The following IGF2BP2 variants were observed in gnomAD, a reference collection of about 807,000 sequenced individuals.
IGF2BP2 encodes the protein insulin-like growth factor 2 mRNA-binding protein 2.
A neutral mutation model predicts 75.8 loss-of-function variants in IGF2BP2; 17 were observed. That is an observed-to-expected ratio of 0.22 (90% CI 0.15 to 0.34). The LOEUF (loss-of-function observed/expected upper bound fraction) is 0.34. Ranked by LOEUF, IGF2BP2 falls within the 10% of genes least tolerant of loss-of-function variation. The probability of loss-of-function intolerance (pLI) is 1.00; values close to 1 mark genes in which losing one functional copy is unlikely to be tolerated. For missense variants in IGF2BP2, 516 were observed against 772.4 expected, an observed-to-expected ratio of 0.67 and a Z score of 3.93; for synonymous variants, 288 against 295.6, an observed-to-expected ratio of 0.97 and a Z score of 0.26.
intron 14 of IGF2BP2, among the ~76,000 whole-genome samples, chr3:185,648,275 A>T (rs1210753787): frequency 6.6e-6 from 1 of 152,028 alleles, no homozygotes. Flanking sequence ...TGACCTGACC[A>T]AAATGGTGAA....
chr3:185,696,499 A>G (rs1722600250), intron 4 of IGF2BP2, 113 bp downstream of exon 4: 3 of 837,894 alleles, frequency 3.6e-6, no homozygotes, highest in East Asian at 2.4e-5. Flanking sequence ...TACTCTAGGA[A>G]GCTTATTTCA....
At chr3:185,657,160 T>C in intron 12 of IGF2BP2, 126 bp downstream of exon 12, 5 of 623,538 alleles carry the variant, frequency 8.0e-6, no homozygotes, top group Non-Finnish European at 8.6e-6. Context: ...ATGGGGCAAA[T>C]GTTCTAGATC....
chr3:185,658,402 G>A lies in IGF2BP2; in HGVS notation c.1208C>T (p.Ser403Phe), dbSNP rs758852286. The change falls in exon 11 of 16, where the codon TCC (serine) becomes TTC (phenylalanine). Residue 403 changes from serine (S) to phenylalanine (F), a missense_variant. This residue lies in a region of IGF2BP2 where 75 missense variants were observed against 67.4 expected (regional missense o/e 1.11). Transcript: ENST00000382199. The stretch of plus-strand genomic sequence containing the variant: ...GGGGTACAGGCTGGAGAAGTATCCG[G>A]AGTGGGTCTGCAGCATGAGAGAAAG... ...AAPYHPFTTH[S>F]GYFSSLYPHH... 4.1e-5 allele frequency: 66 copies of A among 1,613,772 alleles called. No individual in the cohort carries two copies. Among genetic ancestry groups the A allele is most frequent in the Non-Finnish European group, 5.3e-5 (62 of 1,179,868 alleles).
intron 2 of IGF2BP2, among the ~76,000 whole-genome samples, chr3:185,734,964 C>T (rs1397555996): frequency 2.6e-5 from 4 of 152,182 alleles, no homozygotes; most frequent in Non-Finnish European, 2.9e-5. Flanking sequence ...ACTGTAATAG[C>T]GAAGACAGCG....
At chr3:185,803,436 T>C (rs1738552196) in intron 2 of IGF2BP2, among the ~76,000 whole-genome samples, 1 of 152,222 alleles carries the variant, frequency 6.6e-6, no homozygotes, top group Non-Finnish European at 1.5e-5. Context: ...CAAATAAAAG[T>C]ACTGAAAAAA....
chr3:185,796,925 T>C (rs1737495021), intron 2 of IGF2BP2, among the ~76,000 whole-genome samples: 1 of 152,194 alleles, frequency 6.6e-6, no homozygotes, highest in Non-Finnish European at 1.5e-5. Flanking sequence ...TTCCTGACAA[T>C]GCATTCTGAG....
chr3:185,751,144 C>G (rs547094055), intron 2 of IGF2BP2, among the ~76,000 whole-genome samples: 4 of 152,340 alleles, frequency 2.6e-5, no homozygotes, highest in Non-Finnish European at 5.9e-5. Flanking sequence ...ACCCAGGAGG[C>G]AGAGGTTGCA....
intron 2 of IGF2BP2, among the ~76,000 whole-genome samples, chr3:185,721,774 T>G (rs1483457546): frequency 6.6e-6 from 1 of 152,130 alleles, no homozygotes; most frequent in Non-Finnish European, 1.5e-5. Context: ...GCCCACCTAG[T>G]GAGTTCCTTT....
At chr3:185,649,327 G>A in intron 14 of IGF2BP2, 76 bp downstream of exon 14, 3 of 1,567,172 alleles carry the variant, frequency 1.9e-6, no homozygotes, top group Admixed American at 1.8e-5. Flanking sequence ...GCGCCAAGGG[G>A]AGACTGAGGG....
At position 185,695,492 on chromosome 3, in the gene IGF2BP2, C is replaced by T. The variant is rs951339013; in HGVS notation, c.340+1120G>A. ...AGGTTATTTGACTTTTTCAAGGGTT[C>T]GCAGTCAGTAAATGACTGAATTTAC... On this transcript the variant is annotated intron_variant, in intron 4 of 15. Coordinates refer to ENST00000382199, the MANE Select transcript of IGF2BP2 (RefSeq NM_006548.6). Among the ~76,000 whole-genome samples, 4 of 152,186 alleles carry T rather than the reference C, an allele frequency of 2.6e-5. No homozygotes were observed. In the East Asian group the frequency reaches 5.8e-4, roughly 22 times the overall value.
chr3:185,659,145 G>A (rs1490138780), intron 10 of IGF2BP2, among the ~76,000 whole-genome samples: 3 of 152,124 alleles, frequency 2.0e-5, no homozygotes, highest in African/African-American at 7.2e-5. Context: ...CTTGAGCCTA[G>A]GAATTTGAGG....
At chr3:185,663,092 C>G (rs999902772) in intron 10 of IGF2BP2, among the ~76,000 whole-genome samples, 2 of 152,156 alleles carry the variant, frequency 1.3e-5, no homozygotes, top group Admixed American at 1.3e-4. Context: ...ACTCAAATAA[C>G]TATTTTAATG....
rs374640035 is a variant in IGF2BP2, at chr3:185,762,697, G to A, written c.239+60456C>T. On this transcript the variant is annotated intron_variant, in intron 2 of 15. Coordinates refer to ENST00000382199, the MANE Select transcript of IGF2BP2 (RefSeq NM_006548.6). Reference sequence around the variant, plus strand: ...TGCAATAATAGAGCTTATACTGGCTGCAGTCTACTTCAGTTACTGCTCTAG... The same window carrying A: ...TGCAATAATAGAGCTTATACTGGCTACAGTCTACTTCAGTTACTGCTCTAG... Among the ~76,000 whole-genome samples the A allele has an allele frequency of 1.6e-3, 246 of 152,252 alleles. 2 individuals are homozygous for A. Among genetic ancestry groups the A allele is most frequent in the African/African-American group, 5.8e-3 (239 of 41,536 alleles).
At chr3:185,646,746 C>A in intron 15 of IGF2BP2, 1 of 439,200 alleles carries the variant, frequency 2.3e-6, no homozygotes, top group Non-Finnish European at 4.2e-6. Flanking sequence ...TTAAACACTG[C>A]AGGGGGCTTG....
At chr3:185,756,519 C>T (rs1731636703) in intron 2 of IGF2BP2, among the ~76,000 whole-genome samples, 1 of 151,918 alleles carries the variant, frequency 6.6e-6, no homozygotes, top group African/African-American at 2.4e-5. Flanking sequence ...ATATTTCTCC[C>T]ATCTGCCTCT....
chr3:185,811,735 G>A (rs552100111), intron 2 of IGF2BP2, among the ~76,000 whole-genome samples: 1 of 152,246 alleles, frequency 6.6e-6, no homozygotes, highest in South Asian at 2.1e-4. Flanking sequence ...TACAAAAGTT[G>A]TGTGCAAAAT....
intron 2 of IGF2BP2, among the ~76,000 whole-genome samples, chr3:185,816,689 A>T (rs1740655687): frequency 6.6e-6 from 1 of 152,202 alleles, no homozygotes. Context: ...CCAAAAAAAG[A>T]GATAGTATCA....
chr3:185,805,924 C>A (rs991861070), intron 2 of IGF2BP2, among the ~76,000 whole-genome samples: 1 of 151,678 alleles, frequency 6.6e-6, no homozygotes, highest in African/African-American at 2.4e-5. Context: ...GTGCCCACCA[C>A]CCCCCACCCC....
intron 2 of IGF2BP2, among the ~76,000 whole-genome samples, chr3:185,767,637 T>C (rs531489339): frequency 1.3e-4 from 20 of 152,268 alleles, no homozygotes; most frequent in African/African-American, 2.9e-4. Context: ...TGGGGAAATA[T>C]TGATCAACAT....
Sources: gnomAD v4.1 joint callset for allele counts (sites outside exome capture counted in the v4.1 genomes callset) on GRCh38, gnomAD v4.1.1 for gene constraint, gnomAD v4.1.1 regional missense constraint, MANE v1.5 for transcripts, NCBI Gene and HGNC (gene_info 2026-07-23, HGNC 2026-07-21) for gene names.